FOXJ3: variants seen among roughly 807,000 people sequenced by gnomAD.
FOXJ3 encodes forkhead box protein J3.
In FOXJ3, 22 loss-of-function variants were observed where a neutral mutation model predicts 76.1. The observed-to-expected ratio is 0.29, with a 90% CI of 0.21 to 0.41. FOXJ3 has a LOEUF of 0.41. FOXJ3 is among the 10% of genes least tolerant of loss of function. The probability of loss-of-function intolerance (pLI) is 1.00; values close to 1 mark genes in which losing one functional copy is unlikely to be tolerated. For missense variants in FOXJ3, 613 were observed against 762.1 expected (o/e 0.80, Z 2.30); for synonymous variants, 269 against 261.2 (o/e 1.03, Z -0.29).
intron 2 of FOXJ3, among the ~76,000 whole-genome samples, chr1:42,306,109 G>C (rs887355077): frequency 6.6e-6 from 1 of 152,044 alleles, no homozygotes; most frequent in African/African-American, 2.4e-5. Context: ...TAAAGCAAAC[G>C]ATCAAGGAAA....
rs906385740 is a variant in FOXJ3 at position 42,178,571 on chromosome 1, G to A, written c.*1139C>T. On this transcript the variant is annotated 3_prime_UTR_variant, in exon 13 of 13. Transcript: ENST00000361346. Reference sequence around the variant, plus strand: ...AGGCTGAGGCAGGCAGACTGCCTGAGCTCAAGAGTTTGCAACCAGCCCAGG... The same window carrying A: ...AGGCTGAGGCAGGCAGACTGCCTGAACTCAAGAGTTTGCAACCAGCCCAGG... 2.0e-5 allele frequency: 3 copies of A among 152,244 alleles called. No individual in the cohort carries two copies. Among genetic ancestry groups the A allele is most frequent in the Non-Finnish European group, 4.4e-5 (3 of 68,072 alleles). The allele number at this position is 152,244 out of a possible 1,614,324, so 9.4% of individuals were successfully genotyped here.
chr1:42,181,366 C>T (rs1329266657), intron 12 of FOXJ3, among the ~76,000 whole-genome samples: 1 of 152,168 alleles, frequency 6.6e-6, no homozygotes, highest in African/African-American at 2.4e-5. Context: ...CCACTTAACA[C>T]CTAAAATTTA....
At chr1:42,273,243 T>C (rs140875303) in intron 3 of FOXJ3, among the ~76,000 whole-genome samples, 94 of 152,370 alleles carry the variant, frequency 6.2e-4, no homozygotes, top group Non-Finnish European at 1.1e-3. Flanking sequence ...CTTGTTTATA[T>C]GTATTCTTCT....
At chr1:42,209,134 T>C (rs908230330) in intron 5 of FOXJ3, among the ~76,000 whole-genome samples, 5 of 152,206 alleles carry the variant, frequency 3.3e-5, no homozygotes, top group African/African-American at 9.6e-5. Context: ...TGCTCTTATA[T>C]AGACCAAATC....
intron 10 of FOXJ3, 181 bp downstream of exon 10, chr1:42,189,122 T>C (rs1373033679): frequency 3.2e-6 from 2 of 615,994 alleles, no homozygotes; most frequent in African/African-American, 3.7e-5. Flanking sequence ...GTCAAATTTC[T>C]TTCAGAACTT....
chr1:42,274,125 A>C (rs1238673225), intron 3 of FOXJ3, among the ~76,000 whole-genome samples: 2 of 152,170 alleles, frequency 1.3e-5, no homozygotes, highest in East Asian at 3.9e-4. Flanking sequence ...ATGTGTGTTC[A>C]TTGCCACACA....
At chr1:42,313,676 T>C (rs1262039136) in intron 1 of FOXJ3, among the ~76,000 whole-genome samples, 1 of 152,130 alleles carries the variant, frequency 6.6e-6, no homozygotes, top group Non-Finnish European at 1.5e-5. Context: ...AAATGGGGTG[T>C]GGCTAAAAAG....
chr1:42,202,486 G>C (rs945984690), intron 6 of FOXJ3, among the ~76,000 whole-genome samples: 4 of 152,146 alleles, frequency 2.6e-5, no homozygotes, highest in African/African-American at 7.2e-5. Context: ...TAAGTTGCTG[G>C]TGGCAATCCG....
At chr1:42,327,578 G>A (rs574437928) in intron 1 of FOXJ3, among the ~76,000 whole-genome samples, 2 of 152,082 alleles carry the variant, frequency 1.3e-5, no homozygotes, top group Non-Finnish European at 2.9e-5. Flanking sequence ...GCAACAGTTA[G>A]TAAGTTCTAG....
At chr1:42,188,991 G>C in intron 10 of FOXJ3, 63 bp from the exon 11 acceptor site, 1 of 1,093,868 alleles carries the variant, frequency 9.1e-7, no homozygotes, top group Non-Finnish European at 1.3e-6. Context: ...AAGGAAAATA[G>C]CAAGACATAA....
chr1:42,304,259 CAAGAA>C (rs1462092733), intron 2 of FOXJ3, among the ~76,000 whole-genome samples: 2 of 151,504 alleles, frequency 1.3e-5, no homozygotes, highest in African/African-American at 4.8e-5. Flanking sequence ...AAGAAGACAC[CAAGAA>C]AAGGAAAGAT....
At chr1:42,334,762 C>G (rs1418994040) in intron 1 of FOXJ3, among the ~76,000 whole-genome samples, 1 of 151,484 alleles carries the variant, frequency 6.6e-6, no homozygotes, top group Non-Finnish European at 1.5e-5. Flanking sequence ...CGTCTGGTTC[C>G]CCGGTGCCCC....
chr1:42,331,829 TAA>T (rs5773767), intron 1 of FOXJ3, among the ~76,000 whole-genome samples: 7 of 89,996 alleles, frequency 7.8e-5, no homozygotes, highest in South Asian at 6.5e-4. Flanking sequence ...AAAGCTTTTT[TAA>T]AAAAAAAAAA....
intron 2 of FOXJ3, among the ~76,000 whole-genome samples, chr1:42,304,377 T>C (rs928155331): frequency 6.6e-6 from 1 of 152,104 alleles, no homozygotes; most frequent in Middle Eastern, 3.4e-3. Flanking sequence ...ACCAATGACA[T>C]TCTTCACAGA....
chr1:42,228,120 T>G (rs987477582), intron 4 of FOXJ3, among the ~76,000 whole-genome samples, 154 bp from the exon 5 acceptor site: 3 of 152,162 alleles, frequency 2.0e-5, no homozygotes, highest in African/African-American at 7.2e-5. Flanking sequence ...AAAAAGATTA[T>G]ATAAGAAAAT....
intron 2 of FOXJ3, among the ~76,000 whole-genome samples, chr1:42,299,662 C>A (rs1471654582): frequency 6.6e-6 from 1 of 151,990 alleles, no homozygotes; most frequent in East Asian, 1.9e-4. Context: ...AATCCTAGCC[C>A]TTTAGAGGCC....
Position 42,179,779 on chromosome 1 carries a change from G to A in FOXJ3, c.1800C>T (p.Ala600=), listed in dbSNP as rs1470810740. The change falls in exon 13 of 13, where the codon GCC becomes GCT. Residue 600 remains alanine, a synonymous_variant. Coordinates refer to ENST00000361346, the MANE Select transcript of FOXJ3 (RefSeq NM_014947.5). The stretch of plus-strand genomic sequence containing the variant: ...GAGGCAGGGAACGCCGCATCTGGAA[G>A]GCTTGGGAAGGCATCATGTGCTGCT... ...MNQQHMMPSQ[A]FQMRRSLPPD... 6.2e-7 allele frequency: 1 copy of A among 1,614,128 alleles called. No homozygotes were observed. Among genetic ancestry groups the A allele is most frequent in the Non-Finnish European group, 8.5e-7 (1 of 1,179,978 alleles).
At chr1:42,325,243 G>T (rs1424940829) in intron 1 of FOXJ3, among the ~76,000 whole-genome samples, 1 of 152,188 alleles carries the variant, frequency 6.6e-6, no homozygotes, top group Admixed American at 6.5e-5. Context: ...CTCATTAGAT[G>T]AGGAAATTCC....
chr1:42,332,748 G>C (rs1246631577), intron 1 of FOXJ3, among the ~76,000 whole-genome samples: 1 of 152,128 alleles, frequency 6.6e-6, no homozygotes, highest in Non-Finnish European at 1.5e-5. Context: ...TGATCTGACA[G>C]TCAAGCTCCT....
Sources: gnomAD v4.1 joint callset for allele counts (sites outside exome capture counted in the v4.1 genomes callset) on GRCh38, gnomAD v4.1.1 for gene constraint, MANE v1.5 for transcripts, NCBI Gene and HGNC (gene_info 2026-07-23, HGNC 2026-07-21) for gene names.